GLMN: variants seen among roughly 807,000 people sequenced by gnomAD.
GLMN encodes the protein glomulin, FKBP associated protein, also known as glomulin.
Under a neutral mutation model 87.8 loss-of-function variants are expected in GLMN, and 75 were observed. The ratio of observed to expected loss-of-function variants is 0.85; its 90% CI spans 0.71 to 1.04. The LOEUF (loss-of-function observed/expected upper bound fraction) is 1.04, where lower values mean the gene tolerates loss of function less well. Among genes scored for constraint, GLMN ranks in the 50% least tolerant of loss-of-function variants. The probability of loss-of-function intolerance (pLI) is 0.00; values close to 1 mark genes in which losing one functional copy is unlikely to be tolerated. For synonymous variants in GLMN, 206 were observed against 221.6 expected (o/e 0.93, Z 0.63); for missense variants, 588 against 658.8 (o/e 0.89, Z 1.18).
At chr1:92,291,027 A>AG (rs1055414578) in intron 4 of GLMN, among the ~76,000 whole-genome samples, 51 of 152,218 alleles carry the variant, frequency 3.4e-4, no homozygotes, top group African/African-American at 1.2e-3. Context: ...CATACCACAA[A>AG]GGAAAGAGGA....
chr1:92,304,078 A>C, the GLMN span: 2 of 1,583,040 alleles, frequency 1.3e-6, no homozygotes, highest in Non-Finnish European at 1.7e-6. Flanking sequence ...TGGGAATTGT[A>C]AGTAACTCAT....
chr1:92,365,334 A>G, the GLMN span, among the ~76,000 whole-genome samples: 4 of 152,234 alleles, frequency 2.6e-5, no homozygotes, highest in Non-Finnish European at 5.9e-5. Context: ...GAACTTTAAC[A>G]CAGCTTCACA....
At chr1:92,317,839 T>C in the GLMN span, among the ~76,000 whole-genome samples, 2 of 152,344 alleles carry the variant, frequency 1.3e-5, no homozygotes, top group African/African-American at 4.8e-5. Flanking sequence ...TGCATAAAGC[T>C]GTCTTAAATT....
rs551264600 is a variant in GLMN, at chr1:92,268,347, A to T, written c.978-212T>A. Among the ~76,000 whole-genome samples the T allele has an allele frequency of 3.3e-5, 5 of 152,352 alleles. No individual in the cohort carries two copies. The South Asian group carries it at 1.0e-3, about 32-fold the overall frequency. ...AAGGCCACTAAATCTGACCAAAATA[A>T]ATCTACTCAGGGATTATTTCCTAAC... On this transcript the variant is annotated intron_variant, in intron 9 of 18. Coordinates refer to ENST00000370360, the MANE Select transcript of GLMN (RefSeq NM_053274.3).
chr1:92,305,967 C>T, the GLMN span, among the ~76,000 whole-genome samples: 1 of 152,084 alleles, frequency 6.6e-6, no homozygotes, highest in East Asian at 1.9e-4. Flanking sequence ...TACACATGTA[C>T]ACCAGCATGT....
intron 3 of GLMN, 136 bp downstream of exon 3, chr1:92,297,267 CT>C (rs1201781842): frequency 3.3e-6 from 4 of 1,226,122 alleles, no homozygotes; most frequent in Non-Finnish European, 2.4e-6. Flanking sequence ...ATTTCTAATT[CT>C]TTTTTTGTTT....
chr1:92,341,865 A>T, the GLMN span, among the ~76,000 whole-genome samples: 1 of 152,224 alleles, frequency 6.6e-6, no homozygotes, highest in Non-Finnish European at 1.5e-5. Flanking sequence ...AGCTGGTCTC[A>T]AACTGCTGAC....
chr1:92,266,843 AGGG>A, intron 11 of GLMN, 102 bp from the exon 12 acceptor site: 2 of 738,926 alleles, frequency 2.7e-6, no homozygotes, highest in Non-Finnish European at 4.7e-6. Flanking sequence ...CAGAGAAGTG[AGGG>A]TAGGAGATTT....
the GLMN span, chr1:92,304,114 AT>A: frequency 1.4e-6 from 2 of 1,437,090 alleles, no homozygotes; most frequent in Non-Finnish European, 1.9e-6. Flanking sequence ...GGCTTTTATT[AT>A]TTTCATTTAG....
At chr1:92,328,367 T>C in the GLMN span, among the ~76,000 whole-genome samples, 1 of 152,220 alleles carries the variant, frequency 6.6e-6, no homozygotes, top group Non-Finnish European at 1.5e-5. Context: ...TCTTTTTTCT[T>C]TGTTGGACTG....
the GLMN span, among the ~76,000 whole-genome samples, chr1:92,361,457 T>A: frequency 6.6e-6 from 1 of 152,170 alleles, no homozygotes; most frequent in Non-Finnish European, 1.5e-5. Flanking sequence ...TATGGACTTA[T>A]GGCATAGATT....
intron 7 of GLMN, among the ~76,000 whole-genome samples, chr1:92,277,114 G>T (rs1370073183): frequency 6.6e-6 from 1 of 151,960 alleles, no homozygotes; most frequent in Non-Finnish European, 1.5e-5. Flanking sequence ...TCTCAAATCT[G>T]CCCTTTCTTC....
intron 4 of GLMN, among the ~76,000 whole-genome samples, chr1:92,290,926 G>C (rs1017460084): frequency 6.6e-6 from 1 of 152,152 alleles, no homozygotes; most frequent in Admixed American, 6.5e-5. Context: ...CGCTTTCTAA[G>C]GTTGTTAGTC....
intron 3 of GLMN, among the ~76,000 whole-genome samples, chr1:92,294,334 TAATAAA>T (rs978905072): frequency 6.6e-6 from 1 of 152,136 alleles, no homozygotes; most frequent in Non-Finnish European, 1.5e-5. Flanking sequence ...TCTTGTAAGA[TAATAAA>T]AATAGAGTAT....
At chr1:92,357,494 G>C in the GLMN span, among the ~76,000 whole-genome samples, 3 of 152,130 alleles carry the variant, frequency 2.0e-5, no homozygotes, top group East Asian at 5.8e-4. Flanking sequence ...GCAAGATAAG[G>C]CTGATAACTA....
the GLMN span, among the ~76,000 whole-genome samples, chr1:92,356,775 A>T: frequency 1.2e-4 from 18 of 151,682 alleles, no homozygotes; most frequent in African/African-American, 4.4e-4. Context: ...GTCTCATTAA[A>T]AAATGGGCCA....
chr1:92,363,660 C>CACTT, the GLMN span: 1 of 280,250 alleles, frequency 3.6e-6, no homozygotes, highest in Non-Finnish European at 7.0e-6. Context: ...ACCTCTGCCA[C>CACTT]ACTTAAGATA....
the GLMN span, among the ~76,000 whole-genome samples, chr1:92,320,021 A>G: frequency 6.6e-6 from 1 of 152,142 alleles, no homozygotes. Context: ...AAGAAAAAGA[A>G]AAAGTTAAAC....
intron 16 of GLMN, among the ~76,000 whole-genome samples, chr1:92,254,144 G>A (rs562364347): frequency 1.8e-4 from 28 of 152,220 alleles, no homozygotes; most frequent in Middle Eastern, 3.4e-3. Context: ...TAGCTGAATC[G>A]ATCAAGTGGA....
Sources: allele counts gnomAD v4.1 joint callset (sites outside exome capture counted in the v4.1 genomes callset), GRCh38; gene constraint gnomAD v4.1.1; transcripts MANE v1.5; gene names NCBI Gene and HGNC (gene_info 2026-07-23, HGNC 2026-07-21).